Variants in GPC5 observed in about 807,000 individuals in gnomAD.
GPC5 encodes the protein glypican 5, also known as glypican-5.
In GPC5, 47 loss-of-function variants were observed where a neutral mutation model predicts 53.9. The observed-to-expected ratio is 0.87, with a 90% CI of 0.69 to 1.11. The LOEUF (loss-of-function observed/expected upper bound fraction) is 1.11, where lower values mean the gene tolerates loss of function less well. GPC5 is among the 50% of genes most tolerant of loss of function. The probability of loss-of-function intolerance (pLI) is 0.00; values close to 1 mark genes in which losing one functional copy is unlikely to be tolerated. For missense variants in GPC5, 748 were observed against 713.1 expected (o/e 1.05, Z -0.56); for synonymous variants, 286 against 263.3 (o/e 1.09, Z -0.84).
chr13:91,933,716 G>A (rs779159027), intron 6 of GPC5, among the ~76,000 whole-genome samples: 12 of 151,794 alleles, frequency 7.9e-5, no homozygotes, highest in Non-Finnish European at 1.6e-4. Context: ...CATTTCATTT[G>A]TAGTATCTAG....
intron 7 of GPC5, among the ~76,000 whole-genome samples, chr13:92,595,832 C>T (rs1883861752): frequency 6.7e-6 from 1 of 149,310 alleles, no homozygotes; most frequent in African/African-American, 2.5e-5. Flanking sequence ...TCGGTAATTT[C>T]GAGAAAGTTA....
chr13:92,713,562 C>T (rs1296541718), intron 7 of GPC5, among the ~76,000 whole-genome samples: 2 of 147,622 alleles, frequency 1.4e-5, no homozygotes, highest in South Asian at 2.1e-4. Context: ...GAGCTGAGAT[C>T]GTGCCAATAC....
chr13:92,299,797 A>C (rs2043062815), intron 7 of GPC5, among the ~76,000 whole-genome samples: 1 of 152,166 alleles, frequency 6.6e-6, no homozygotes, highest in Non-Finnish European at 1.5e-5. Context: ...TTTGAGTTTT[A>C]TTGTAGAAAG....
intron 7 of GPC5, among the ~76,000 whole-genome samples, chr13:92,357,481 T>G (rs575495557): frequency 4.0e-5 from 6 of 151,896 alleles, no homozygotes; most frequent in Non-Finnish European, 2.9e-5. Context: ...TATTGAGCAT[T>G]TTTTCATATG....
intron 7 of GPC5, among the ~76,000 whole-genome samples, chr13:92,740,882 G>A (rs1889064191): frequency 1.1e-5 from 1 of 88,754 alleles, no homozygotes; most frequent in South Asian, 4.6e-4. Context: ...ATGTATGTAT[G>A]TATATTTATT....
At chr13:91,658,587 TG>T (rs997599850) in intron 2 of GPC5, among the ~76,000 whole-genome samples, 5 of 152,202 alleles carry the variant, frequency 3.3e-5, no homozygotes, top group African/African-American at 1.2e-4. Flanking sequence ...ATAGTATCTA[TG>T]TTTAATTATT....
chr13:92,405,252 T>A lies in GPC5; in HGVS notation c.1561+260263T>A, dbSNP rs148567507. 3.6e-3 allele frequency among the ~76,000 whole-genome samples: 551 copies of A among 152,260 alleles called. 4 individuals are homozygous for A. The highest frequency in any genetic ancestry group is 0.012 in the African/African-American group (518 of 41,556). On this transcript the variant is annotated intron_variant, in intron 7 of 7. Transcript: ENST00000377067. The stretch of plus-strand genomic sequence containing the variant: ...TCGGAGGGCACAGTCACACACTCCG[T>A]GCACTCGCTACGACTGGGACAATGT...
At chr13:92,206,030 A>G (rs1191858799) in intron 7 of GPC5, among the ~76,000 whole-genome samples, 1 of 128,758 alleles carries the variant, frequency 7.8e-6, no homozygotes, top group East Asian at 2.1e-4. Context: ...CCATGGGAGC[A>G]AGACTCCATC....
intron 7 of GPC5, among the ~76,000 whole-genome samples, chr13:92,624,357 A>T (rs1245283278): frequency 1.3e-5 from 2 of 152,188 alleles, no homozygotes; most frequent in Non-Finnish European, 1.5e-5. Flanking sequence ...GGCATGAGCC[A>T]CTGCGCCCAG....
intron 6 of GPC5, among the ~76,000 whole-genome samples, chr13:91,977,960 A>T (rs1362321563): frequency 7.1e-5 from 10 of 140,994 alleles, no homozygotes; most frequent in Non-Finnish European, 1.2e-4. Context: ...AAGAAAAAAG[A>T]AAGAAAGAAA....
Position 92,824,255 on chromosome 13 carries a change from CTCT to C in GPC5, c.1562-42020_1562-42018del, listed in dbSNP as rs572450147. Among the ~76,000 whole-genome samples the C allele has an allele frequency of 2.2e-4, 34 of 152,218 alleles. No homozygotes were observed. In the South Asian group the frequency reaches 3.9e-3, roughly 18 times the overall value. ...TAGTCACCCCTGTATACAAAACCGC[CTCT>C]TCTTCTCTCTAGAAGCCGACATTCT... On this transcript the variant is annotated intron_variant, in intron 7 of 7. Coordinates refer to ENST00000377067, the MANE Select transcript of GPC5 (RefSeq NM_004466.6).
intron 4 of GPC5, among the ~76,000 whole-genome samples, chr13:91,738,882 T>A (rs1358071514): frequency 6.6e-6 from 1 of 151,388 alleles, no homozygotes; most frequent in Admixed American, 6.6e-5. Flanking sequence ...TACTGCTATA[T>A]AATAATACTT....
intron 7 of GPC5, among the ~76,000 whole-genome samples, chr13:92,287,783 G>T (rs962403513): frequency 2.0e-5 from 3 of 152,080 alleles, no homozygotes; most frequent in Non-Finnish European, 4.4e-5. Flanking sequence ...GAGCTTCTTT[G>T]ATGTGTTGGT....
At chr13:91,507,634 T>C (rs1446716525) in intron 2 of GPC5, among the ~76,000 whole-genome samples, 1 of 152,128 alleles carries the variant, frequency 6.6e-6, no homozygotes, top group Admixed American at 6.6e-5. Flanking sequence ...GAGCTAAAGA[T>C]GAGATTTGTG....
intron 2 of GPC5, among the ~76,000 whole-genome samples, chr13:91,666,405 G>A (rs956575249): frequency 1.3e-5 from 2 of 152,108 alleles, no homozygotes; most frequent in African/African-American, 4.8e-5. Context: ...CTAGTCTTAT[G>A]CCAATACCAT....
intron 5 of GPC5, among the ~76,000 whole-genome samples, chr13:91,902,232 T>C (rs2039505028): frequency 6.6e-6 from 1 of 152,012 alleles, no homozygotes; most frequent in South Asian, 2.1e-4. Flanking sequence ...CAATAGGGCA[T>C]GGTATCAGTT....
intron 6 of GPC5, among the ~76,000 whole-genome samples, chr13:92,017,107 G>A (rs1453698528): frequency 6.6e-6 from 1 of 152,108 alleles, no homozygotes; most frequent in East Asian, 1.9e-4. Flanking sequence ...GGTGGAGTTG[G>A]TGGTTGTGGT....
intron 7 of GPC5, among the ~76,000 whole-genome samples, chr13:92,197,201 C>T (rs1305816060): frequency 6.6e-6 from 1 of 151,462 alleles, no homozygotes; most frequent in African/African-American, 2.4e-5. Context: ...TCTGAGGTTC[C>T]AAGGATGTGA....
intron 6 of GPC5, among the ~76,000 whole-genome samples, chr13:92,028,674 C>T (rs2040818876): frequency 6.6e-6 from 1 of 152,048 alleles, no homozygotes; most frequent in African/African-American, 2.4e-5. Flanking sequence ...AGCACTTCTA[C>T]CTTAAAACAA....
Sources: gnomAD v4.1 joint callset for allele counts (sites outside exome capture counted in the v4.1 genomes callset) on GRCh38, gnomAD v4.1.1 for gene constraint, MANE v1.5 for transcripts, NCBI Gene and HGNC (gene_info 2026-07-23, HGNC 2026-07-21) for gene names.